XKR6: variants seen among roughly 807,000 people sequenced by gnomAD.
XKR6 encodes the protein XK related 6, also known as XK-related protein 6.
In XKR6, 22 loss-of-function variants were observed where a neutral mutation model predicts 56.7. That is an observed-to-expected ratio of 0.39 (90% CI 0.28 to 0.55). The LOEUF (loss-of-function observed/expected upper bound fraction) is 0.55, where lower values mean the gene tolerates loss of function less well. Among genes scored for constraint, XKR6 ranks in the 20% least tolerant of loss-of-function variants. The probability of loss-of-function intolerance (pLI) is 0.66; values close to 1 mark genes in which losing one functional copy is unlikely to be tolerated. For missense variants in XKR6, 852 were observed against 889.0 expected, an observed-to-expected ratio of 0.96 and a Z score of 0.53; for synonymous variants, 524 against 387.8, an observed-to-expected ratio of 1.35 and a Z score of -4.13.
chr8:11,199,398 A>G (rs1367666254), intron 1 of XKR6, among the ~76,000 whole-genome samples: 1 of 152,258 alleles, frequency 6.6e-6, no homozygotes, highest in Non-Finnish European at 1.5e-5. Flanking sequence ...ACTTTATTTC[A>G]GCTAACCTGG....
intron 1 of XKR6, among the ~76,000 whole-genome samples, chr8:11,078,471 T>C (rs1439562986): frequency 6.6e-6 from 1 of 152,198 alleles, no homozygotes; most frequent in Admixed American, 6.5e-5. Context: ...CACGTGCTGC[T>C]GACCCCACGT....
chr8:10,925,334 A>G (rs891136805), intron 1 of XKR6, among the ~76,000 whole-genome samples: 1 of 152,176 alleles, frequency 6.6e-6, no homozygotes, highest in African/African-American at 2.4e-5. Context: ...GGTAAGTAGG[A>G]GGGTATGGTT....
chr8:11,190,155 C>CA lies in XKR6; in HGVS notation c.764+10420dup, dbSNP rs200804263. 2.2e-3 allele frequency among the ~76,000 whole-genome samples: 144 copies of CA among 64,396 alleles called. 1 individual carries two copies. The East Asian group carries it at 0.044, about 20-fold the overall frequency. 42.2% of individuals were successfully genotyped at this position (64,396 alleles called of 152,430 possible). A position where few individuals can be genotyped will look rare whatever the true frequency, so the allele number is the denominator to read the frequency against. On this transcript the variant is annotated intron_variant, in intron 1 of 2. Transcript: ENST00000416569. ...CTGGGCAACAAGAGTGAAACTGTCC[C>CA]AAAAAAAAAGAAAGAAAGAAAAGAA...
intron 1 of XKR6, chr8:11,062,545 C>T (rs1294846248): frequency 2.8e-6 from 1 of 359,214 alleles, no homozygotes; most frequent in African/African-American, 2.1e-5. Flanking sequence ...CCAGCAAAGA[C>T]CCAGGCAAAA....
chr8:11,166,365 G>A (rs1802072770), intron 1 of XKR6, among the ~76,000 whole-genome samples: 1 of 151,968 alleles, frequency 6.6e-6, no homozygotes, highest in Non-Finnish European at 1.5e-5. Context: ...CATCTGCTAT[G>A]GTCTGAAAGT....
At chr8:10,945,826 C>G (rs775464190) in intron 1 of XKR6, among the ~76,000 whole-genome samples, 2 of 152,170 alleles carry the variant, frequency 1.3e-5, no homozygotes, top group Non-Finnish European at 2.9e-5. Context: ...TGCTGGGGAA[C>G]CCGAGAGCTG....
At chr8:10,982,848 G>A (rs1289583205) in intron 1 of XKR6, among the ~76,000 whole-genome samples, 2 of 152,182 alleles carry the variant, frequency 1.3e-5, no homozygotes, top group African/African-American at 4.8e-5. Flanking sequence ...GCCCCAGGGA[G>A]GCATGGCTTG....
At chr8:11,058,848 A>C (rs954785726) in intron 1 of XKR6, among the ~76,000 whole-genome samples, 10 of 152,244 alleles carry the variant, frequency 6.6e-5, no homozygotes, top group Admixed American at 2.6e-4. Context: ...GAACTTAGTA[A>C]AATTTTTAAA....
At chr8:11,193,440 C>T (rs935679025) in intron 1 of XKR6, among the ~76,000 whole-genome samples, 1 of 152,050 alleles carries the variant, frequency 6.6e-6, no homozygotes, top group Non-Finnish European at 1.5e-5. Context: ...ATTAGAAATA[C>T]AGAAATGAAA....
intron 1 of XKR6, chr8:11,105,726 G>C (rs1411669690): frequency 6.6e-6 from 1 of 152,116 alleles, no homozygotes; most frequent in Non-Finnish European, 1.5e-5. Flanking sequence ...GTTGGCTCCA[G>C]GCACCGAAAA....
At chr8:10,900,815 T>C (rs1020047635) in intron 2 of XKR6, among the ~76,000 whole-genome samples, 3 of 150,512 alleles carry the variant, frequency 2.0e-5, no homozygotes, top group Non-Finnish European at 3.0e-5. Flanking sequence ...AGTAATGTGA[T>C]GTAGGTTGCA....
At chr8:11,043,272 G>A (rs1799330216) in intron 1 of XKR6, among the ~76,000 whole-genome samples, 1 of 152,172 alleles carries the variant, frequency 6.6e-6, no homozygotes, top group African/African-American at 2.4e-5. Flanking sequence ...CACTGGTGAG[G>A]ATGCGAGGTG....
At chr8:11,161,641 C>T (rs1801818895) in intron 1 of XKR6, among the ~76,000 whole-genome samples, 1 of 152,226 alleles carries the variant, frequency 6.6e-6, no homozygotes, top group Non-Finnish European at 1.5e-5. Context: ...ACTGTAAACA[C>T]TTTCAGTGGC....
At chr8:10,920,451 C>A (rs530932976) in intron 2 of XKR6, among the ~76,000 whole-genome samples, 1 of 152,246 alleles carries the variant, frequency 6.6e-6, no homozygotes, top group African/African-American at 2.4e-5. Flanking sequence ...TGTCAAGTAA[C>A]AGGTGGGAGT....
intron 1 of XKR6, among the ~76,000 whole-genome samples, chr8:11,117,216 G>A (rs1231319227): frequency 6.6e-6 from 1 of 152,190 alleles, no homozygotes; most frequent in Non-Finnish European, 1.5e-5. Context: ...TACACTAGGG[G>A]TGAAACTGCA....
intron 1 of XKR6, among the ~76,000 whole-genome samples, chr8:11,003,925 G>C (rs1180148590): frequency 6.6e-6 from 1 of 152,190 alleles, no homozygotes; most frequent in Non-Finnish European, 1.5e-5. Context: ...GGTGGGAAGA[G>C]GGATGGCCAT....
intron 1 of XKR6, among the ~76,000 whole-genome samples, chr8:11,123,046 G>A (rs1056964505): frequency 3.3e-5 from 5 of 151,944 alleles, no homozygotes; most frequent in South Asian, 2.1e-4. Flanking sequence ...AGACCAGCCC[G>A]GCCAACATGG....
At chr8:11,183,478 G>T (rs1441179943) in intron 1 of XKR6, among the ~76,000 whole-genome samples, 1 of 141,352 alleles carries the variant, frequency 7.1e-6, no homozygotes, top group Non-Finnish European at 1.6e-5. Flanking sequence ...CACCTGTCTA[G>T]TTTTTTTTTT....
At chr8:11,092,527 A>G (rs1798107330) in intron 1 of XKR6, among the ~76,000 whole-genome samples, 1 of 152,100 alleles carries the variant, frequency 6.6e-6, no homozygotes. Context: ...ATGATGTGAA[A>G]GCTCTGCAGT....
Sources: allele counts gnomAD v4.1 joint callset (sites outside exome capture counted in the v4.1 genomes callset), GRCh38; gene constraint gnomAD v4.1.1; transcripts MANE v1.5; gene names NCBI Gene and HGNC (gene_info 2026-07-23, HGNC 2026-07-21).